The following RGS6 variants were observed in gnomAD, a reference collection of about 807,000 sequenced individuals.
The protein encoded by RGS6 is regulator of G protein signaling 6.
A neutral mutation model predicts 78.5 loss-of-function variants in RGS6; 30 were observed. The observed-to-expected ratio is 0.38, with a 90% CI of 0.29 to 0.52. RGS6 has a LOEUF of 0.52. Ranked by LOEUF, RGS6 falls within the 20% of genes least tolerant of loss-of-function variation. The pLI, the probability that RGS6 is intolerant of heterozygous loss-of-function variation, is 0.85. For missense variants in RGS6, 495 were observed against 609.7 expected (o/e 0.81, Z 1.98); for synonymous variants, 206 against 206.0 (o/e 1.00, Z 0.00).
chr14:72,017,901 C>T (rs2153234383), intron 2 of RGS6, among the ~76,000 whole-genome samples: 1 of 152,314 alleles, frequency 6.6e-6, no homozygotes, highest in African/African-American at 2.4e-5. Context: ...TTATGCCCAG[C>T]ATCCATTAGC....
chr14:72,189,396 C>T (rs574734489), intron 2 of RGS6, among the ~76,000 whole-genome samples: 12 of 152,054 alleles, frequency 7.9e-5, no homozygotes, highest in Middle Eastern at 3.4e-3. Context: ...GGGGAGAGAG[C>T]GATCTTAATA....
At chr14:72,041,797 G>C (rs1336765901) in intron 2 of RGS6, among the ~76,000 whole-genome samples, 2 of 152,110 alleles carry the variant, frequency 1.3e-5, no homozygotes, top group East Asian at 3.9e-4. Context: ...TCTGTGGGGG[G>C]TGGGCAGGGA....
intron 2 of RGS6, among the ~76,000 whole-genome samples, chr14:72,105,354 A>G (rs545162275): frequency 7.9e-5 from 12 of 152,336 alleles, no homozygotes; most frequent in African/African-American, 2.6e-4. Flanking sequence ...AATGTGGTAC[A>G]GCTTTCTTTT....
intron 3 of RGS6, among the ~76,000 whole-genome samples, chr14:72,367,536 G>A (rs2152819683): frequency 6.6e-6 from 1 of 152,174 alleles, no homozygotes; most frequent in Admixed American, 6.5e-5. Flanking sequence ...ATAGAGGAAT[G>A]GATTTGATTA....
At chr14:72,206,275 G>A (rs374166768) in intron 2 of RGS6, among the ~76,000 whole-genome samples, 1 of 152,028 alleles carries the variant, frequency 6.6e-6, no homozygotes, top group Non-Finnish European at 1.5e-5. Flanking sequence ...GACCAGCCTG[G>A]TCAACACAGT....
chr14:72,006,161 T>G (rs1325773652), intron 2 of RGS6, among the ~76,000 whole-genome samples: 1 of 152,202 alleles, frequency 6.6e-6, no homozygotes, highest in Non-Finnish European at 1.5e-5. Context: ...GGTCCTAAAT[T>G]AAACATCACT....
In RGS6 at chr14:72,076,987, A is replaced by G. The variant is rs1315506079; in HGVS notation, c.84+112112A>G. The stretch of plus-strand genomic sequence containing the variant: ...ATATATATAAATGTTATATATATAT[A>G]GCCAAATTATATAAAGCTGTATATA... On this transcript the variant is annotated intron_variant, in intron 2 of 17. Transcript: ENST00000553525. 2.7e-5 allele frequency among the ~76,000 whole-genome samples: 4 copies of G among 149,400 alleles called. No individual in the cohort carries two copies. In the East Asian group the frequency reaches 5.8e-4, roughly 22 times the overall value.
At chr14:72,481,429 C>T (rs569227127) in intron 12 of RGS6, among the ~76,000 whole-genome samples, 1 of 152,188 alleles carries the variant, frequency 6.6e-6, no homozygotes. Flanking sequence ...CTGTCTCCCC[C>T]CAGTCTCCCA....
intron 2 of RGS6, among the ~76,000 whole-genome samples, chr14:72,136,569 C>T (rs907290652): frequency 3.3e-5 from 5 of 152,026 alleles, no homozygotes; most frequent in Admixed American, 1.3e-4. Flanking sequence ...TAAGATTTCA[C>T]GAGACTTACT....
chr14:72,275,008 T>C (rs1311584081), intron 2 of RGS6, among the ~76,000 whole-genome samples: 1 of 152,154 alleles, frequency 6.6e-6, no homozygotes, highest in East Asian at 1.9e-4. Flanking sequence ...AACACTTACC[T>C]CCACCCACCA....
At chr14:71,960,312 G>T (rs547552251) in intron 1 of RGS6, among the ~76,000 whole-genome samples, 80 of 152,276 alleles carry the variant, frequency 5.3e-4, no homozygotes, top group African/African-American at 1.9e-3. Context: ...GAAGTGGATT[G>T]CTGAGTCCAG....
chr14:72,186,217 C>A (rs17768989), intron 2 of RGS6, among the ~76,000 whole-genome samples: 9,213 of 152,262 alleles, frequency 0.061, 293 homozygotes, highest in Middle Eastern at 0.071. Context: ...TCTCACTAAA[C>A]TGAGTCCATG....
chr14:72,455,589 T>C (rs573819898), intron 4 of RGS6, among the ~76,000 whole-genome samples: 1 of 151,020 alleles, frequency 6.6e-6, no homozygotes, highest in East Asian at 1.9e-4. Flanking sequence ...AGATCATTCA[T>C]AGAAGTGGCC....
chr14:72,137,967 C>T (rs1343451921), intron 2 of RGS6, among the ~76,000 whole-genome samples: 1 of 152,078 alleles, frequency 6.6e-6, no homozygotes, highest in Non-Finnish European at 1.5e-5. Flanking sequence ...CCCTGGCAAC[C>T]AACCCCCATC....
At chr14:72,452,010 A>G (rs545572686) in intron 3 of RGS6, among the ~76,000 whole-genome samples, 2 of 152,156 alleles carry the variant, frequency 1.3e-5, no homozygotes, top group African/African-American at 4.8e-5. Flanking sequence ...TCGGTCTCCA[A>G]AAGTGTTGGG....
At chr14:72,484,530 T>A (rs1566957139) in intron 12 of RGS6, among the ~76,000 whole-genome samples, 1 of 152,040 alleles carries the variant, frequency 6.6e-6, no homozygotes, top group South Asian at 2.1e-4. Flanking sequence ...TTTGTGTGGT[T>A]TTTTTTTGGT....
At chr14:72,389,393 C>T (rs2089307273) in intron 3 of RGS6, among the ~76,000 whole-genome samples, 1 of 152,220 alleles carries the variant, frequency 6.6e-6, no homozygotes, top group Non-Finnish European at 1.5e-5. Context: ...CCAGGACTCA[C>T]TCTTGGTCTG....
intron 2 of RGS6, among the ~76,000 whole-genome samples, chr14:72,205,807 C>G (rs1020038205): frequency 3.3e-5 from 5 of 152,132 alleles, no homozygotes; most frequent in African/African-American, 1.2e-4. Flanking sequence ...TTCTGCAGAC[C>G]GAAATGCTGT....
the RGS6 span, among the ~76,000 whole-genome samples, chr14:72,593,473 C>T: frequency 1.3e-5 from 2 of 152,246 alleles, no homozygotes; most frequent in African/African-American, 4.8e-5. Context: ...GCAACCTCTG[C>T]CTCCAGGTTC....
Sources: allele counts gnomAD v4.1 joint callset (sites outside exome capture counted in the v4.1 genomes callset), GRCh38; gene constraint gnomAD v4.1.1; transcripts MANE v1.5; gene names NCBI Gene and HGNC (gene_info 2026-07-23, HGNC 2026-07-21).